Variants in DGCR2 observed in about 807,000 individuals in gnomAD.
DGCR2 encodes the protein DiGeorge syndrome critical region gene 2, also known as integral membrane protein DGCR2/IDD.
DGCR2 carries 24 observed loss-of-function variants against 51.6 expected under a neutral mutation model. The observed-to-expected ratio is 0.47, with a 90% CI of 0.34 to 0.65. The LOEUF is 0.65. Ranked by LOEUF, DGCR2 falls within the 30% of genes least tolerant of loss-of-function variation. The probability of loss-of-function intolerance (pLI) is 0.01; values close to 1 mark genes in which losing one functional copy is unlikely to be tolerated. For missense variants in DGCR2, 765 were observed against 772.1 expected, an observed-to-expected ratio of 0.99 and a Z score of 0.11; for synonymous variants, 340 against 315.4, an observed-to-expected ratio of 1.08 and a Z score of -0.82.
chr22:19,089,911 G>C (rs970713928), intron 1 of DGCR2, among the ~76,000 whole-genome samples: 4 of 152,180 alleles, frequency 2.6e-5, no homozygotes, highest in African/African-American at 9.7e-5. Context: ...GGTTTTATCA[G>C]AACACAGCCA....
At chr22:19,052,110 C>CACA (rs1365357114) in intron 6 of DGCR2, among the ~76,000 whole-genome samples, 1 of 152,168 alleles carries the variant, frequency 6.6e-6, no homozygotes, top group South Asian at 2.1e-4. Context: ...GGGCATCTAT[C>CACA]ACACAGAAGT....
At position 19,089,353 on chromosome 22, in the gene DGCR2, A is replaced by G. The variant is rs201312660; in HGVS notation, c.202+15T>C. 6.3e-7 allele frequency: 1 copy of G among 1,584,596 alleles called. No individual in the cohort carries two copies. Among genetic ancestry groups the G allele is most frequent in the Admixed American group, 1.8e-5 (1 of 57,052 alleles). ...AGACAAGGTGGTGTGTACCCCGCCT[A>G]CTCAACACACTCACCTGGACAGTTG... On this transcript the variant is annotated intron_variant, in intron 2 of 9. Transcript: ENST00000263196.
At chr22:19,110,051 C>T (rs2083298169) in intron 1 of DGCR2, among the ~76,000 whole-genome samples, 1 of 152,234 alleles carries the variant, frequency 6.6e-6, no homozygotes, top group East Asian at 1.9e-4. Flanking sequence ...TCACAAAAAG[C>T]ACATGTCCTA....
intron 2 of DGCR2, among the ~76,000 whole-genome samples, chr22:19,070,581 T>C (rs1169107587): frequency 6.6e-6 from 1 of 152,156 alleles, no homozygotes; most frequent in Non-Finnish European, 1.5e-5. Context: ...CCAGGTCACA[T>C]GGGCACCAAA....
intron 2 of DGCR2, among the ~76,000 whole-genome samples, chr22:19,080,173 TTACC>T (rs1569067603): frequency 6.6e-6 from 1 of 152,166 alleles, no homozygotes; most frequent in Non-Finnish European, 1.5e-5. Flanking sequence ...ATCCTACTTA[TTACC>T]TACTTGTCAC....
At chr22:19,115,844 C>T (rs563088262) in intron 1 of DGCR2, among the ~76,000 whole-genome samples, 1 of 152,326 alleles carries the variant, frequency 6.6e-6, no homozygotes, top group African/African-American at 2.4e-5. Flanking sequence ...TACTCTGCCA[C>T]CTCCTGAGGG....
At chr22:19,061,199 C>T (rs1478739998) in intron 5 of DGCR2, 1 of 175,320 alleles carries the variant, frequency 5.7e-6, no homozygotes, top group African/African-American at 2.4e-5. Flanking sequence ...ACCATGTCCC[C>T]AGGCAGGAGA....
chr22:19,075,335 T>C (rs1039597997), intron 2 of DGCR2, among the ~76,000 whole-genome samples: 4 of 151,778 alleles, frequency 2.6e-5, no homozygotes, highest in Non-Finnish European at 5.9e-5. Flanking sequence ...TAGTCCCAGC[T>C]ACTTGGGAGG....
intron 2 of DGCR2, among the ~76,000 whole-genome samples, chr22:19,071,735 AT>A: frequency 6.6e-6 from 1 of 152,260 alleles, no homozygotes; most frequent in East Asian, 1.9e-4. Context: ...TGTTCTGGGG[AT>A]AATGAAAAGA....
chr22:19,058,227 G>A (rs974534607), intron 5 of DGCR2, among the ~76,000 whole-genome samples: 3 of 152,330 alleles, frequency 2.0e-5, no homozygotes, highest in East Asian at 1.9e-4. Flanking sequence ...CCATGGGCAG[G>A]AGGACAGCTC....
chr22:19,070,192 T>C (rs2082798412), intron 2 of DGCR2, among the ~76,000 whole-genome samples: 1 of 152,148 alleles, frequency 6.6e-6, no homozygotes, highest in Non-Finnish European at 1.5e-5. Context: ...GTAGCTCTGA[T>C]GCAGGGATGC....
Position 19,038,844 on chromosome 22 carries a change from T to C in DGCR2, c.*21A>G, listed in dbSNP as rs747135325. 3.1e-6 allele frequency: 5 copies of C among 1,606,082 alleles called. No homozygotes were observed. Among genetic ancestry groups the C allele is most frequent in the Admixed American group, 3.4e-5 (2 of 59,378 alleles). The stretch of plus-strand genomic sequence containing the variant: ...ACAACAGACAGGTGCTCCCAGACCG[T>C]TGGGGTACAGGCCAGGCCGTCTACA... On this transcript the variant is annotated 3_prime_UTR_variant, in exon 10 of 10. Transcript: ENST00000263196.
chr22:19,087,277 G>C (rs561431129), intron 2 of DGCR2, among the ~76,000 whole-genome samples: 8 of 152,258 alleles, frequency 5.3e-5, no homozygotes, highest in African/African-American at 1.9e-4. Flanking sequence ...TCCTGACCGG[G>C]CCAACACCAT....
intron 1 of DGCR2, among the ~76,000 whole-genome samples, chr22:19,110,746 T>G (rs2096377): frequency 0.41 from 62,597 of 151,956 alleles, 13,347 homozygotes; most frequent in African/African-American, 0.53. Flanking sequence ...ATGCTGCCCA[T>G]GTTTCAAATA....
In DGCR2 at chr22:19,040,483, G is replaced by A. The variant is rs538078046; in HGVS notation, c.1396+575C>T. Among the ~76,000 whole-genome samples the A allele has an allele frequency of 3.3e-5, 5 of 152,286 alleles. No individual in the cohort carries two copies. In the South Asian group the frequency reaches 1.0e-3, roughly 32 times the overall value. ...ACACCTGCACTGCTCAACAGAGACA[G>A]AGACAGGCCAGGGGTCAGGGGCCTG... is the stretch of plus-strand genomic sequence containing the variant. On this transcript the variant is annotated intron_variant, in intron 9 of 9. Transcript: ENST00000263196.
At chr22:19,111,037 T>C (rs1276091054) in intron 1 of DGCR2, among the ~76,000 whole-genome samples, 1 of 152,222 alleles carries the variant, frequency 6.6e-6, no homozygotes, top group African/African-American at 2.4e-5. Context: ...TAAAATACCT[T>C]TTCCTCATCT....
chr22:19,065,026 C>T lies in DGCR2; in HGVS notation c.370G>A (p.Gly124Ser). 6.2e-7 allele frequency: 1 copy of T among 1,614,082 alleles called. No homozygotes were observed. The highest frequency in any genetic ancestry group is 8.5e-7 in the Non-Finnish European group (1 of 1,180,044). Residue 124 changes from glycine to serine, a missense_variant, in exon 4 of 10, where the codon GGC (glycine) becomes AGC (serine). Physicochemically the swap from Gly to Ser is moderately conservative, Grantham distance 56. Coordinates refer to ENST00000263196, the MANE Select transcript of DGCR2 (RefSeq NM_005137.3). ...TAGACCCGGTAGCAGCTGGCCGTGC[C>T]TTCGTAGTGGTGCCACCCTGTCGGG... ...KCPTGWHHYE[G>S]TASCYRVYLS...
At chr22:19,121,015 G>A (rs2083425558) in intron 1 of DGCR2, among the ~76,000 whole-genome samples, 1 of 152,192 alleles carries the variant, frequency 6.6e-6, no homozygotes, top group Non-Finnish European at 1.5e-5. Flanking sequence ...AGGCACTAGG[G>A]AGGAGGCAGA....
intron 1 of DGCR2, among the ~76,000 whole-genome samples, chr22:19,119,078 A>G (rs1393418834): frequency 6.6e-6 from 1 of 152,148 alleles, no homozygotes; most frequent in Non-Finnish European, 1.5e-5. Context: ...CACATGGAAA[A>G]AGATTCTGCA....
Sources: gnomAD v4.1 joint callset for allele counts (sites outside exome capture counted in the v4.1 genomes callset) on GRCh38, gnomAD v4.1.1 for gene constraint, MANE v1.5 for transcripts, NCBI Gene and HGNC (gene_info 2026-07-23, HGNC 2026-07-21) for gene names.